INTS13: variants seen among roughly 807,000 people sequenced by gnomAD.
INTS13 encodes asunder, spermatogenesis regulator homolog (Drosphila).
INTS13 carries 35 observed loss-of-function variants against 90.2 expected under a neutral mutation model. The ratio of observed to expected loss-of-function variants is 0.39; its 90% confidence interval spans 0.30 to 0.51. INTS13 has a LOEUF of 0.51. Among genes scored for constraint, INTS13 ranks in the 20% least tolerant of loss-of-function variants. INTS13 has a pLI of 0.80. For missense variants in INTS13, 601 were observed against 851.2 expected, an observed-to-expected ratio of 0.71 and a Z score of 3.66; for synonymous variants, 309 against 277.1, an observed-to-expected ratio of 1.11 and a Z score of -1.14.
chr12:26,917,720 T>C lies in INTS13; in HGVS notation c.903A>G (p.Leu301=). The part of the protein sequence containing the change: ...VDFLKSGDSH[L]GGGSREGSFK... ...ACGAGCCTTCTCGACTGCCGCCACC[T>C]AGATGCGAATCACCTTTAAAAATAT... Residue 301 remains leucine (L), a synonymous_variant, in exon 9 of 17, where the codon CTA becomes CTG. Coordinates refer to ENST00000261191, the MANE Select transcript of INTS13 (RefSeq NM_018164.3). The C allele has an allele frequency of 6.2e-7, 1 of 1,613,814 alleles. No individual in the cohort carries two copies.
chr12:26,926,550 T>C (rs1937885719), intron 5 of INTS13, among the ~76,000 whole-genome samples: 1 of 152,190 alleles, frequency 6.6e-6, no homozygotes, highest in African/African-American at 2.4e-5. Flanking sequence ...AGAAAACTAA[T>C]AATCACTCTA....
Position 26,914,133 on chromosome 12 carries a change from T to G in INTS13, c.1420-5A>C, listed in dbSNP as rs774718209. The G allele has an allele frequency of 6.4e-7, 1 of 1,560,338 alleles. No homozygotes were observed. The highest frequency in any genetic ancestry group is 8.6e-7 in the Non-Finnish European group (1 of 1,162,354). On this transcript the variant is annotated splice_region_variant and splice_polypyrimidine_tract_variant and intron_variant, in intron 12 of 16. Coordinates refer to ENST00000261191, the MANE Select transcript of INTS13 (RefSeq NM_018164.3). ...AACACTGGCTAATGGAACTACCTGT[T>G]AGATTTTTTTTAAAGAAAAAAGAAA... is the stretch of plus-strand genomic sequence containing the variant.
At position 26,917,385 on chromosome 12, in the gene INTS13, G is replaced by GTCTA; in HGVS notation, c.1032_1035dup (p.Pro346Ter). On this transcript the variant is annotated stop_gained and frameshift_variant, in exon 10 of 17. Coordinates refer to ENST00000261191, the MANE Select transcript of INTS13 (RefSeq NM_018164.3). LOFTEE classifies it high-confidence loss of function. ...AGAAAATTAGTAAGGCAGGAGGAAG[G>GTCTA]TCTACTATTTACATCTACAGGTGAA... 6.4e-7 allele frequency: 1 copy of GTCTA among 1,558,748 alleles called. No individual in the cohort carries two copies.
chr12:26,915,448 A>T (rs1338847181), intron 11 of INTS13, among the ~76,000 whole-genome samples: 2 of 152,192 alleles, frequency 1.3e-5, no homozygotes, highest in Non-Finnish European at 2.9e-5. Flanking sequence ...TACAGTATAT[A>T]ACAGTTTGTG....
rs34416699 is a variant in INTS13, at chr12:26,920,127, CA to C, written c.890-2395del. On this transcript the variant is annotated intron_variant, in intron 8 of 16. Transcript: ENST00000261191. ...TGGGCGACAGAGCGAGACTCTGTCT[CA>C]AAAAAAAAAAAAGATCTGGAACTTA... is the stretch of plus-strand genomic sequence containing the variant. Among the ~76,000 whole-genome samples, 165 of 134,522 alleles carry C rather than the reference CA, an allele frequency of 1.2e-3. 1 individual carries two copies. The East Asian group carries it at 0.013, about 11-fold the overall frequency. The allele number at this position is 134,522 out of a possible 152,430, so 88.3% of individuals were successfully genotyped here. A position where few individuals can be genotyped will look rare whatever the true frequency, so the allele number is the denominator to read the frequency against.
In INTS13 at chr12:26,914,019, G is replaced by A; in HGVS notation, c.1529C>T (p.Pro510Leu). The A allele has an allele frequency of 6.2e-7, 1 of 1,610,940 alleles. No individual in the cohort carries two copies. Among genetic ancestry groups the A allele is most frequent in the Non-Finnish European group, 8.5e-7 (1 of 1,179,092 alleles). ...TGTACCAACTGTGGAAATAGGTAGA[G>A]GATCATTTTTTCTTTCCATATCAAC... ...NLVDMERKND[P>L]LPISTVGTRG... The change falls in exon 13 of 17, where the codon CCT becomes CTT. Residue 510 changes from proline (P) to leucine (L), a missense_variant. By Grantham distance (98) the Pro-to-Leu change is moderately conservative. Coordinates refer to ENST00000261191, the MANE Select transcript of INTS13 (RefSeq NM_018164.3).
At chr12:26,937,443 C>T (rs183178618) in intron 1 of INTS13, among the ~76,000 whole-genome samples, 72 of 152,330 alleles carry the variant, frequency 4.7e-4, no homozygotes, top group Non-Finnish European at 9.3e-4. Context: ...CCAGGTAGAG[C>T]AGAAAAACTT....
intron 11 of INTS13, among the ~76,000 whole-genome samples, chr12:26,915,244 A>AAAC (rs1951899040): frequency 6.6e-6 from 1 of 152,144 alleles, no homozygotes; most frequent in Non-Finnish European, 1.5e-5. Flanking sequence ...ACAAACAAAC[A>AAAC]AAAAAACTAC....
chr12:26,917,809 C>T (rs559894373), intron 8 of INTS13, 76 bp from the exon 9 acceptor site: 6 of 547,428 alleles, frequency 1.1e-5, no homozygotes, highest in African/African-American at 6.0e-5. Context: ...TAAATATGTA[C>T]AATTATGTTT....
chr12:26,906,841 C>T (rs1042374452), intron 15 of INTS13, among the ~76,000 whole-genome samples: 2 of 152,222 alleles, frequency 1.3e-5, no homozygotes, highest in Non-Finnish European at 2.9e-5. Context: ...AGAGTGCATA[C>T]TACCTCCATA....
rs1400425333 is a variant in INTS13, at chr12:26,911,163, A to G, written c.1945+15T>C. ...AAAACTTTTTATAAACCTAGTTACCACAGCTGTACCTTACCTTTTGATTTT... is the reference window on the plus strand; with the variant it reads ...AAAACTTTTTATAAACCTAGTTACCGCAGCTGTACCTTACCTTTTGATTTT... On this transcript the variant is annotated intron_variant, in intron 15 of 16. Coordinates refer to ENST00000261191, the MANE Select transcript of INTS13 (RefSeq NM_018164.3). 3.1e-6 allele frequency: 5 copies of G among 1,600,610 alleles called. No homozygotes were observed. The highest frequency in any genetic ancestry group is 4.3e-6 in the Non-Finnish European group (5 of 1,175,762).
chr12:26,935,181 T>C (rs1288574483), intron 2 of INTS13, among the ~76,000 whole-genome samples: 1 of 152,194 alleles, frequency 6.6e-6, no homozygotes, highest in African/African-American at 2.4e-5. Flanking sequence ...CTGGATCATA[T>C]AGGGCACCGA....
chr12:26,906,490 T>C, intron 15 of INTS13, 53 bp from the exon 16 acceptor site: 2 of 1,488,404 alleles, frequency 1.3e-6, no homozygotes, highest in Non-Finnish European at 1.8e-6. Flanking sequence ...AATTTATTAT[T>C]TCCAAATTTC....
At chr12:26,907,271 C>A (rs552042830) in intron 15 of INTS13, among the ~76,000 whole-genome samples, 1 of 146,096 alleles carries the variant, frequency 6.8e-6, no homozygotes, top group South Asian at 2.3e-4. Context: ...GCCACATAAA[C>A]CAACAGAATA....
At chr12:26,915,593 C>A (rs1951910307) in intron 11 of INTS13, among the ~76,000 whole-genome samples, 1 of 151,958 alleles carries the variant, frequency 6.6e-6, no homozygotes, top group African/African-American at 2.4e-5. Flanking sequence ...GAATTTCTAC[C>A]AAAAATGGAC....
chr12:26,914,553 T>C lies in INTS13; in HGVS notation c.1274A>G (p.Asn425Ser), dbSNP rs763577127. ...GGGGTCTAGAAAAGGAGTTAATCTG[T>C]TTTCCCTCATAAATTCACCAAAATC... Reference protein sequence around the residue: ...ITDFGEFMRENRLTPFLDPRY... With the variant: ...ITDFGEFMRESRLTPFLDPRY... The change falls in exon 12 of 17, where the codon AAC becomes AGC. Residue 425 changes from asparagine (N) to serine (S), a missense_variant. By Grantham distance (46) the Asn-to-Ser change is conservative (BLOSUM62 1). Around this residue, in one of 3 missense-constraint regions of INTS13, gnomAD observed 89 missense variants for 191.0 expected, o/e 0.47. Coordinates refer to ENST00000261191, the MANE Select transcript of INTS13 (RefSeq NM_018164.3). 1.2e-6 allele frequency: 2 copies of C among 1,612,326 alleles called. No homozygotes were observed. Among genetic ancestry groups the C allele is most frequent in the Non-Finnish European group, 8.5e-7 (1 of 1,179,342 alleles).
rs147491799 is a variant in INTS13, at chr12:26,907,351, A to G, written c.1946-914T>C. 3.3e-3 allele frequency among the ~76,000 whole-genome samples: 499 copies of G among 152,354 alleles called. 6 individuals are homozygous for G. Among genetic ancestry groups the G allele is most frequent in the Non-Finnish European group, 1.0e-3 (69 of 68,030 alleles). On this transcript the variant is annotated intron_variant, in intron 15 of 16. Transcript: ENST00000261191. ...TTTCTGATAAATGTACAATATTTCA[A>G]TGAAGAAAGGATAGTCTTTTCAATA...
intron 3 of INTS13, 110 bp from the exon 4 acceptor site, chr12:26,929,015 C>A: frequency 1.0e-6 from 1 of 970,222 alleles, no homozygotes; most frequent in Admixed American, 2.8e-5. Context: ...TGGACATGAA[C>A]ATTCTTAAAA....
At chr12:26,922,584 C>A in intron 8 of INTS13, 32 bp downstream of exon 8, 1 of 1,499,490 alleles carries the variant, frequency 6.7e-7, no homozygotes, top group South Asian at 1.2e-5. Context: ...TATGTTAGAT[C>A]ATACAAAATA....
Sources: gnomAD v4.1 joint callset for allele counts (sites outside exome capture counted in the v4.1 genomes callset) on GRCh38, gnomAD v4.1.1 for gene constraint, gnomAD v4.1.1 regional missense constraint, MANE v1.5 for transcripts, NCBI Gene and HGNC (gene_info 2026-07-23, HGNC 2026-07-21) for gene names.